Variants in NXPH1 observed in about 807,000 individuals in gnomAD.
The protein encoded by NXPH1 is neurexophilin-1.
A neutral mutation model predicts 23.7 loss-of-function variants in NXPH1; 5 were observed. The observed-to-expected ratio is 0.21, with a 90% CI of 0.11 to 0.44. The LOEUF (loss-of-function observed/expected upper bound fraction) is 0.44. NXPH1 is among the 20% of genes least tolerant of loss of function. The pLI, the probability that NXPH1 is intolerant of heterozygous loss-of-function variation, is 0.99. For missense variants in NXPH1, 324 were observed against 321.6 expected, an observed-to-expected ratio of 1.01 and a Z score of -0.06; for synonymous variants, 144 against 122.2, an observed-to-expected ratio of 1.18 and a Z score of -1.18.
chr7:8,590,506 A>G (rs1413484094), intron 2 of NXPH1, among the ~76,000 whole-genome samples: 1 of 152,084 alleles, frequency 6.6e-6, no homozygotes, highest in Non-Finnish European at 1.5e-5. Flanking sequence ...GTCTTTTTAC[A>G]TAATAGCGAC....
intron 2 of NXPH1, among the ~76,000 whole-genome samples, chr7:8,579,127 C>G (rs1416943268): frequency 6.6e-6 from 1 of 152,142 alleles, no homozygotes; most frequent in Non-Finnish European, 1.5e-5. Context: ...TGTGGCTGAT[C>G]TAGAACTTGA....
chr7:8,632,665 G>T (rs1205008291), intron 2 of NXPH1, among the ~76,000 whole-genome samples: 3 of 152,136 alleles, frequency 2.0e-5, no homozygotes, highest in Non-Finnish European at 4.4e-5. Context: ...CAGCTGTGTG[G>T]CTAGCTTTCT....
At chr7:8,732,799 G>A (rs902976225) in intron 2 of NXPH1, among the ~76,000 whole-genome samples, 1 of 151,990 alleles carries the variant, frequency 6.6e-6, no homozygotes, top group Non-Finnish European at 1.5e-5. Context: ...GAAATGTGAA[G>A]GCCTAGGATA....
intron 2 of NXPH1, among the ~76,000 whole-genome samples, chr7:8,568,278 C>A (rs1366962908): frequency 6.6e-6 from 1 of 151,694 alleles, no homozygotes; most frequent in Non-Finnish European, 1.5e-5. Context: ...TCTTAAGGTC[C>A]CAATTTCCTC....
intron 2 of NXPH1, among the ~76,000 whole-genome samples, chr7:8,531,069 A>G (rs961858306): frequency 3.3e-5 from 5 of 152,168 alleles, no homozygotes; most frequent in Admixed American, 6.5e-5. Context: ...CTGGCACTGA[A>G]CAGAGACACA....
In NXPH1 at chr7:8,508,102, A is replaced by G. The variant is rs570904503; in HGVS notation, c.54+72335A>G. 2.0e-5 allele frequency among the ~76,000 whole-genome samples: 3 copies of G among 152,232 alleles called. No homozygotes were observed. The South Asian group carries it at 6.2e-4, about 32-fold the overall frequency. On this transcript the variant is annotated intron_variant, in intron 2 of 2. Transcript: ENST00000405863. ...GACAGTTCTCAGTATATCACTGTCA[A>G]ATCATGACTGATATTCCTTTCAGTG... is the stretch of plus-strand genomic sequence containing the variant.
chr7:8,468,068 A>G (rs1816813409), intron 2 of NXPH1, among the ~76,000 whole-genome samples: 1 of 152,140 alleles, frequency 6.6e-6, no homozygotes, highest in Non-Finnish European at 1.5e-5. Context: ...AAATAAAGCA[A>G]GAAAGATAAG....
At chr7:8,595,737 GTGTGCA>G (rs920152843) in intron 2 of NXPH1, among the ~76,000 whole-genome samples, 46 of 152,048 alleles carry the variant, frequency 3.0e-4, no homozygotes, top group African/African-American at 7.5e-4. Context: ...GTCTGTGTGC[GTGTGCA>G]TGTGCGCTTC....
chr7:8,648,946 G>A (rs1820440888), intron 2 of NXPH1, among the ~76,000 whole-genome samples: 1 of 151,370 alleles, frequency 6.6e-6, no homozygotes, highest in Non-Finnish European at 1.5e-5. Flanking sequence ...TTATTAGTGA[G>A]ATGACTCTTT....
intron 2 of NXPH1, among the ~76,000 whole-genome samples, chr7:8,504,102 C>T (rs1817483382): frequency 6.6e-6 from 1 of 151,970 alleles, no homozygotes; most frequent in Non-Finnish European, 1.5e-5. Flanking sequence ...CTTTTCTGTC[C>T]CCATGTGTGT....
intron 2 of NXPH1, among the ~76,000 whole-genome samples, chr7:8,522,815 A>G (rs2128615953): frequency 6.6e-6 from 1 of 152,060 alleles, no homozygotes; most frequent in Non-Finnish European, 1.5e-5. Flanking sequence ...TCTGGTGGAG[A>G]CAGTGATTAT....
intron 2 of NXPH1, among the ~76,000 whole-genome samples, chr7:8,678,989 C>T (rs1042067430): frequency 1.7e-5 from 2 of 114,910 alleles, no homozygotes; most frequent in Admixed American, 1.1e-4. Flanking sequence ...CGCTCTGTCA[C>T]CCAGGCTGAG....
intron 2 of NXPH1, among the ~76,000 whole-genome samples, chr7:8,662,033 T>C (rs1820683658): frequency 6.6e-6 from 1 of 152,036 alleles, no homozygotes; most frequent in Admixed American, 6.6e-5. Context: ...ATCAAGTAAG[T>C]TAAAATATAA....
intron 2 of NXPH1, among the ~76,000 whole-genome samples, chr7:8,582,836 G>T (rs1818906899): frequency 6.6e-6 from 1 of 152,148 alleles, no homozygotes; most frequent in Non-Finnish European, 1.5e-5. Context: ...GCTTCACTAG[G>T]GACCCACCCC....
intron 2 of NXPH1, among the ~76,000 whole-genome samples, chr7:8,641,632 C>T (rs1820314778): frequency 6.6e-6 from 1 of 152,046 alleles, no homozygotes; most frequent in Non-Finnish European, 1.5e-5. Context: ...TTAAAAATTT[C>T]ATTAGCCATT....
chr7:8,480,823 A>C (rs1468369795), intron 2 of NXPH1, among the ~76,000 whole-genome samples: 3 of 152,182 alleles, frequency 2.0e-5, no homozygotes, highest in African/African-American at 7.2e-5. Context: ...CAATCCTGGA[A>C]ATTAAATCTT....
chr7:8,438,324 T>G (rs1236917886), intron 2 of NXPH1, among the ~76,000 whole-genome samples: 4 of 152,260 alleles, frequency 2.6e-5, no homozygotes, highest in Non-Finnish European at 5.9e-5. Context: ...CTTATCCCTT[T>G]GTAAGAACCT....
intron 2 of NXPH1, among the ~76,000 whole-genome samples, chr7:8,520,957 C>A (rs760336704): frequency 6.6e-6 from 1 of 152,160 alleles, no homozygotes; most frequent in South Asian, 2.1e-4. Context: ...TTCTGACATC[C>A]CTGCCAAATT....
intron 2 of NXPH1, among the ~76,000 whole-genome samples, chr7:8,492,890 C>A (rs948865346): frequency 2.0e-5 from 3 of 151,948 alleles, no homozygotes; most frequent in Non-Finnish European, 4.4e-5. Flanking sequence ...TGATTATTTC[C>A]CTTGTAGCCA....
Sources: gnomAD v4.1 joint callset for allele counts (sites outside exome capture counted in the v4.1 genomes callset) on GRCh38, gnomAD v4.1.1 for gene constraint, MANE v1.5 for transcripts, NCBI Gene and HGNC (gene_info 2026-07-23, HGNC 2026-07-21) for gene names.